Variants in TCF7L2 observed in about 807,000 individuals in gnomAD.
TCF7L2 encodes the protein transcription factor 7-like 2.
Under a neutral mutation model 77.9 loss-of-function variants are expected in TCF7L2, and 23 were observed. The observed-to-expected ratio is 0.30, with a 90% CI of 0.21 to 0.42. The LOEUF is 0.42. TCF7L2 is among the 10% of genes least tolerant of loss of function. TCF7L2 has a pLI of 1.00. For missense variants in TCF7L2, 654 were observed against 793.1 expected (o/e 0.82, Z 2.11); for synonymous variants, 413 against 340.2 (o/e 1.21, Z -2.36).
In TCF7L2 at chr10:113,151,220, C is replaced by T. The variant is rs1008389054; in HGVS notation, c.1001+97C>T. On this transcript the variant is annotated intron_variant, in intron 9 of 13. Transcript: ENST00000627217. The surrounding 1 kb of genome is among the most constrained non-coding windows in gnomAD (Gnocchi z 5.2). ...GTGGCTTTCTGCCTAAGGTTGGCCTCGTTTGGTTTGACTGCAGCCAATACC... is the reference window on the plus strand; with the variant it reads ...GTGGCTTTCTGCCTAAGGTTGGCCTTGTTTGGTTTGACTGCAGCCAATACC... The T allele has an allele frequency of 7.7e-6, 12 of 1,563,378 alleles. No homozygotes were observed. In the Admixed American group the frequency reaches 1.0e-4, roughly 13 times the overall value.
At chr10:113,039,934 ACCCATGTCAC>A in intron 4 of TCF7L2, 81 bp from the exon 5 acceptor site, 1 of 1,094,124 alleles carries the variant, frequency 9.1e-7, no homozygotes, top group Non-Finnish European at 1.3e-6. Flanking sequence ...TCAGTTTCTG[ACCCATGTCAC>A]AGTTATTTCT....
At chr10:113,098,093 A>T (rs957601762) in intron 5 of TCF7L2, among the ~76,000 whole-genome samples, 5 of 149,944 alleles carry the variant, frequency 3.3e-5, no homozygotes, top group South Asian at 2.1e-4. Context: ...GAAGAAACAC[A>T]TGTCGTACCT....
intron 5 of TCF7L2, chr10:113,133,122 T>C (rs1011495368): frequency 3.9e-5 from 6 of 152,320 alleles, no homozygotes; most frequent in African/African-American, 1.4e-4. Context: ...AAATTATGTT[T>C]AATGAACTTA....
At chr10:112,981,269 T>A (rs2040418671) in intron 4 of TCF7L2, among the ~76,000 whole-genome samples, 1 of 148,470 alleles carries the variant, frequency 6.7e-6, no homozygotes, top group African/African-American at 2.5e-5. Flanking sequence ...AGGGCATCAA[T>A]AATGTGATGG....
chr10:113,151,976 T>A lies in TCF7L2; in HGVS notation c.1161+92T>A, dbSNP rs1315727099. ...GGTGGCAGAATGTCTCTGTCCCCAT[T>A]TCTTTGGAGAATTCTTGCCCTTCAG... On this transcript the variant is annotated intron_variant, in intron 10 of 13. Coordinates refer to ENST00000627217, the MANE Select transcript of TCF7L2 (RefSeq NM_001146274.2). The surrounding 1 kb of genome is among the most constrained non-coding windows in gnomAD (Gnocchi z 5.2). 6.7e-7 allele frequency: 1 copy of A among 1,495,190 alleles called. No homozygotes were observed. Among genetic ancestry groups the A allele is most frequent in the Non-Finnish European group, 8.9e-7 (1 of 1,122,058 alleles). The allele number at this position is 1,495,190 out of a possible 1,614,324, so 92.6% of individuals were successfully genotyped here.
intron 13 of TCF7L2, among the ~76,000 whole-genome samples, chr10:113,163,878 A>G (rs2073601946): frequency 1.3e-5 from 2 of 152,080 alleles, no homozygotes; most frequent in African/African-American, 4.8e-5. Flanking sequence ...AACCCCAAGC[A>G]CAGAGGGGCA....
chr10:113,144,088 C>CTGTGTG lies in TCF7L2; in HGVS notation c.788+69_788+74dup, dbSNP rs746047660. 119 of 1,261,992 alleles carry CTGTGTG rather than the reference C, an allele frequency of 9.4e-5. 2 individuals carry two copies. In the African/African-American group the frequency reaches 1.6e-3, roughly 17 times the overall value. The allele number at this position is 1,261,992 out of a possible 1,614,324, so 78.2% of individuals were successfully genotyped here. On this transcript the variant is annotated intron_variant, in intron 7 of 13. Coordinates refer to ENST00000627217, the MANE Select transcript of TCF7L2 (RefSeq NM_001146274.2). ...TACATGGGCATGTTTATTATTTATTCTGTGTGTGTGTCTGTGTGTGTGTGT... is the reference window on the plus strand; with the variant it reads ...TACATGGGCATGTTTATTATTTATTCTGTGTGTGTGTGTGTGTCTGTGTGTGTGTGT...
At chr10:113,122,076 GCATA>G (rs1308938574) in intron 5 of TCF7L2, among the ~76,000 whole-genome samples, 2 of 152,162 alleles carry the variant, frequency 1.3e-5, no homozygotes, top group African/African-American at 4.8e-5. Context: ...TCCAAAATCA[GCATA>G]CAAAGAATCA....
intron 4 of TCF7L2, among the ~76,000 whole-genome samples, chr10:112,991,380 C>T (rs1021694670): frequency 6.6e-6 from 1 of 151,974 alleles, no homozygotes; most frequent in African/African-American, 2.4e-5. Context: ...TGGTGGCTGG[C>T]ACCTGTAGTC....
At chr10:113,160,411 T>TTG (rs966519791) in intron 12 of TCF7L2, among the ~76,000 whole-genome samples, 7 of 152,050 alleles carry the variant, frequency 4.6e-5, no homozygotes, top group African/African-American at 1.4e-4. Flanking sequence ...GGTTGTTGTT[T>TTG]TGTGTGTGTG....
chr10:113,150,473 G>C (rs1186201094), intron 8 of TCF7L2, among the ~76,000 whole-genome samples: 1 of 152,068 alleles, frequency 6.6e-6, no homozygotes, highest in African/African-American at 2.4e-5. Flanking sequence ...CAGCACAAAA[G>C]AAAAATAAAA....
intron 4 of TCF7L2, among the ~76,000 whole-genome samples, chr10:112,998,178 G>T (rs918551567): frequency 2.0e-5 from 3 of 151,532 alleles, no homozygotes; most frequent in African/African-American, 7.3e-5. Context: ...GCCTCAAGAG[G>T]TGCTCTCACC....
At chr10:113,062,852 T>C (rs2134956383) in intron 5 of TCF7L2, among the ~76,000 whole-genome samples, 1 of 152,272 alleles carries the variant, frequency 6.6e-6, no homozygotes. Flanking sequence ...TTGAGGCCTT[T>C]ACTACCAAAG....
intron 4 of TCF7L2, among the ~76,000 whole-genome samples, chr10:113,034,773 G>A (rs1160924752): frequency 2.0e-5 from 3 of 152,172 alleles, no homozygotes; most frequent in Non-Finnish European, 4.4e-5. Flanking sequence ...ATACGCGCCT[G>A]TAATCCCAGC....
chr10:112,969,073 G>C (rs1426675167), intron 4 of TCF7L2, among the ~76,000 whole-genome samples: 1 of 152,118 alleles, frequency 6.6e-6, no homozygotes. Context: ...TGGTCCCAGA[G>C]GCTAACTTCT....
intron 5 of TCF7L2, among the ~76,000 whole-genome samples, chr10:113,130,998 T>C (rs1196620972): frequency 6.6e-6 from 1 of 152,100 alleles, no homozygotes; most frequent in Non-Finnish European, 1.5e-5. Flanking sequence ...ACTCCTGACC[T>C]CAGGTGATCC....
intron 4 of TCF7L2, among the ~76,000 whole-genome samples, chr10:112,982,476 A>C (rs2040651330): frequency 6.6e-6 from 1 of 152,146 alleles, no homozygotes. Flanking sequence ...ACCCTAACAC[A>C]GTTGTTATTA....
At chr10:113,125,085 G>C (rs941579811) in intron 5 of TCF7L2, among the ~76,000 whole-genome samples, 2 of 152,152 alleles carry the variant, frequency 1.3e-5, no homozygotes, top group Non-Finnish European at 2.9e-5. Flanking sequence ...GGTGGAAAGA[G>C]CTGAGCTGAT....
At chr10:113,108,980 G>T (rs1055933451) in intron 5 of TCF7L2, among the ~76,000 whole-genome samples, 1 of 152,160 alleles carries the variant, frequency 6.6e-6, no homozygotes, top group Admixed American at 6.5e-5. Flanking sequence ...GCTATTGAGG[G>T]TTTATCTGTA....
Sources: allele counts gnomAD v4.1 joint callset (sites outside exome capture counted in the v4.1 genomes callset), GRCh38; gene constraint gnomAD v4.1.1; non-coding constraint Gnocchi (gnomAD v3.1); transcripts MANE v1.5; gene names NCBI Gene and HGNC (gene_info 2026-07-23, HGNC 2026-07-21).